The following PPP3CA variants were observed in gnomAD, a reference collection of about 807,000 sequenced individuals.
PPP3CA encodes CAM-PRP catalytic subunit.
PPP3CA carries 14 observed loss-of-function variants against 66.5 expected under a neutral mutation model. The ratio of observed to expected loss-of-function variants is 0.21; its 90% CI spans 0.14 to 0.33. The LOEUF (loss-of-function observed/expected upper bound fraction) is 0.33. PPP3CA is among the 10% of genes least tolerant of loss of function. The probability of loss-of-function intolerance (pLI) is 1.00; values close to 1 mark genes in which losing one functional copy is unlikely to be tolerated. For missense variants in PPP3CA, 317 were observed against 639.5 expected (o/e 0.50, Z 5.44); for synonymous variants, 232 against 226.2 (o/e 1.03, Z -0.23).
chr4:101,337,319 C>T (rs2110339042), intron 1 of PPP3CA, among the ~76,000 whole-genome samples: 1 of 152,284 alleles, frequency 6.6e-6, no homozygotes, highest in South Asian at 2.1e-4. Context: ...TATTTGAAGC[C>T]TCTAGTTAAA....
chr4:101,298,836 G>T (rs1367787387), intron 1 of PPP3CA, among the ~76,000 whole-genome samples: 1 of 140,300 alleles, frequency 7.1e-6, no homozygotes, highest in Non-Finnish European at 1.5e-5. Context: ...TTGTTCAAGG[G>T]TCTACTGTGT....
At chr4:101,281,001 T>C (rs1175815134) in intron 1 of PPP3CA, among the ~76,000 whole-genome samples, 1 of 152,058 alleles carries the variant, frequency 6.6e-6, no homozygotes, top group Non-Finnish European at 1.5e-5. Context: ...CAGCCTATGA[T>C]GCAGGAGGAG....
chr4:101,037,728 T>C (rs1727315453), intron 11 of PPP3CA, among the ~76,000 whole-genome samples: 1 of 152,186 alleles, frequency 6.6e-6, no homozygotes, highest in South Asian at 2.1e-4. Context: ...ACGAAAATAA[T>C]TCTACAACTC....
intron 1 of PPP3CA, among the ~76,000 whole-genome samples, chr4:101,258,876 C>G (rs1386333066): frequency 6.6e-6 from 1 of 152,102 alleles, no homozygotes; most frequent in Admixed American, 6.6e-5. Context: ...ACAAACCACA[C>G]TCCAAATCAG....
At chr4:101,124,723 A>AAGAAAGAGAGAG (rs1722165250) in intron 2 of PPP3CA, among the ~76,000 whole-genome samples, 15 of 48,248 alleles carry the variant, frequency 3.1e-4, no homozygotes, top group East Asian at 1.7e-3. Context: ...GAAAGAAAGA[A>AAGAAAGAGAGAG]AGAGAAAGAA....
chr4:101,031,077 ACT>A (rs774541470), intron 12 of PPP3CA, among the ~76,000 whole-genome samples: 9 of 150,924 alleles, frequency 6.0e-5, no homozygotes, highest in Non-Finnish European at 8.9e-5. Flanking sequence ...TTTTGTAAAA[ACT>A]CAAAAGACAC....
At chr4:101,149,218 A>C (rs1232389981) in intron 2 of PPP3CA, among the ~76,000 whole-genome samples, 1 of 152,196 alleles carries the variant, frequency 6.6e-6, no homozygotes, top group Non-Finnish European at 1.5e-5. Context: ...ATCTTTCTTC[A>C]CATGCATTGC....
At chr4:101,212,861 G>A (rs766557190) in intron 1 of PPP3CA, among the ~76,000 whole-genome samples, 1 of 151,776 alleles carries the variant, frequency 6.6e-6, no homozygotes, top group Non-Finnish European at 1.5e-5. Context: ...ATCTGGGTGG[G>A]CAGGAGCTCC....
chr4:101,083,823 G>C (rs1729544418), intron 6 of PPP3CA, among the ~76,000 whole-genome samples: 1 of 151,972 alleles, frequency 6.6e-6, no homozygotes, highest in Non-Finnish European at 1.5e-5. Flanking sequence ...TAACATTATG[G>C]GTACAATAAG....
At chr4:101,335,174 C>A (rs1427032971) in intron 1 of PPP3CA, among the ~76,000 whole-genome samples, 2 of 152,086 alleles carry the variant, frequency 1.3e-5, no homozygotes, top group South Asian at 4.1e-4. Context: ...TGTGTTGACA[C>A]CATAGTTGGA....
At chr4:101,083,165 T>C in intron 7 of PPP3CA, 21 bp downstream of exon 7, 3 of 1,422,324 alleles carry the variant, frequency 2.1e-6, no homozygotes, top group Non-Finnish European at 2.8e-6. Flanking sequence ...ATGGTTTTTA[T>C]AAATGCTCAA....
intron 1 of PPP3CA, among the ~76,000 whole-genome samples, chr4:101,222,838 G>T (rs942782643): frequency 4.0e-5 from 6 of 150,318 alleles, no homozygotes; most frequent in African/African-American, 1.5e-4. Flanking sequence ...TCTGATGAAA[G>T]CTATGTCCTA....
rs1726498279 is a variant in PPP3CA at position 101,023,904 on chromosome 4, G to T, written c.*1961C>A. 1 of 152,564 alleles carries T rather than the reference G, an allele frequency of 6.6e-6. No homozygotes were observed. The highest frequency in any genetic ancestry group is 2.4e-5 in the African/African-American group (1 of 41,412). 9.5% of individuals were successfully genotyped at this position (152,564 alleles called of 1,614,324 possible). ...TGATTAGATAGTAGCTGAAGCGTGG[G>T]TATACAAATTTCTTGTTAATACAAA... On this transcript the variant is annotated 3_prime_UTR_variant, in exon 14 of 14. Coordinates refer to ENST00000394854, the MANE Select transcript of PPP3CA (RefSeq NM_000944.5).
intron 10 of PPP3CA, among the ~76,000 whole-genome samples, chr4:101,052,929 CT>C (rs1728073309): frequency 6.6e-6 from 1 of 151,950 alleles, no homozygotes. Context: ...TTCCTGCTGC[CT>C]CCCCTAAACA....
intron 6 of PPP3CA, among the ~76,000 whole-genome samples, chr4:101,092,588 C>T (rs922681836): frequency 1.3e-5 from 2 of 151,902 alleles, no homozygotes; most frequent in African/African-American, 4.8e-5. Flanking sequence ...CTTCCCCTAG[C>T]CCCCCACCCC....
At chr4:101,127,321 AG>A (rs1394177602) in intron 2 of PPP3CA, among the ~76,000 whole-genome samples, 1 of 152,070 alleles carries the variant, frequency 6.6e-6, no homozygotes, top group Non-Finnish European at 1.5e-5. Flanking sequence ...AACCCCTGGT[AG>A]CCACAAATGT....
intron 11 of PPP3CA, among the ~76,000 whole-genome samples, chr4:101,032,714 G>A (rs1727034939): frequency 6.6e-6 from 1 of 152,098 alleles, no homozygotes; most frequent in African/African-American, 2.4e-5. Flanking sequence ...GAGCCATAGA[G>A]AATGCTGATG....
At chr4:101,190,704 A>G (rs1724571416) in intron 2 of PPP3CA, among the ~76,000 whole-genome samples, 1 of 152,200 alleles carries the variant, frequency 6.6e-6, no homozygotes, top group Admixed American at 6.6e-5. Flanking sequence ...CTTGTAAAGA[A>G]AAGAACTACG....
At chr4:101,124,715 AAGAAAGAAAGAGAAAG>A (rs1722160176) in intron 2 of PPP3CA, among the ~76,000 whole-genome samples, 5 of 88,092 alleles carry the variant, frequency 5.7e-5, no homozygotes, top group African/African-American at 2.2e-4. Flanking sequence ...GAAAGAAAGA[AAGAAAGAAAGAGAAAG>A]AAAGAAAGAA....
Sources: gnomAD v4.1 joint callset for allele counts (sites outside exome capture counted in the v4.1 genomes callset) on GRCh38, gnomAD v4.1.1 for gene constraint, MANE v1.5 for transcripts, NCBI Gene and HGNC (gene_info 2026-07-23, HGNC 2026-07-21) for gene names.